Variants in FIRRM observed in about 807,000 individuals in gnomAD.
FIRRM encodes the protein FIGNL1-interacting regulator of recombination and mitosis.
the FIRRM span, among the ~76,000 whole-genome samples, chr1:169,805,038 C>T: frequency 2.0e-5 from 3 of 152,178 alleles, no homozygotes; most frequent in Non-Finnish European, 4.4e-5. Context: ...TTGATTTTAT[C>T]ACTCATTAAT....
At chr1:169,851,647 TAG>T in the FIRRM span, 4 of 749,400 alleles carry the variant, frequency 5.3e-6, no homozygotes, top group South Asian at 7.8e-5. Context: ...AAGAACACAG[TAG>T]AGTGATTTAA....
the FIRRM span, among the ~76,000 whole-genome samples, chr1:169,842,775 C>T: frequency 6.6e-6 from 1 of 152,126 alleles, no homozygotes. Flanking sequence ...TACTTACTTT[C>T]CTAACTGGTT....
the FIRRM span, chr1:169,830,233 AAATT>A: frequency 2.8e-5 from 44 of 1,558,360 alleles, no homozygotes; most frequent in Non-Finnish European, 3.6e-5. Flanking sequence ...GTATTTAAAT[AAATT>A]AATTTTTCTG....
chr1:169,792,896 GA>G, the FIRRM span: 3 of 1,614,038 alleles, frequency 1.9e-6, no homozygotes, highest in African/African-American at 1.3e-5. Context: ...CCACTCACCA[GA>G]AAAAAATCGG....
At chr1:169,807,205 G>A in the FIRRM span, among the ~76,000 whole-genome samples, 2 of 152,070 alleles carry the variant, frequency 1.3e-5, no homozygotes, top group Non-Finnish European at 2.9e-5. Flanking sequence ...GAGTCTTTTC[G>A]TGGTTTTTCC....
the FIRRM span, chr1:169,793,771 C>T: frequency 2.9e-6 from 4 of 1,369,910 alleles, no homozygotes; most frequent in Non-Finnish European, 4.0e-6. Flanking sequence ...ACACACAAAT[C>T]TGCCTCAATT....
the FIRRM span, chr1:169,851,963 A>C: frequency 3.1e-6 from 5 of 1,613,790 alleles, no homozygotes; most frequent in Non-Finnish European, 4.2e-6. Flanking sequence ...ATAGGGGCCA[A>C]ACTTTAACAA....
At chr1:169,827,961 T>A in the FIRRM span, 1 of 1,045,798 alleles carries the variant, frequency 9.6e-7, no homozygotes, top group Non-Finnish European at 1.4e-6. Context: ...TGTTAATAGT[T>A]ATTGTGTAGA....
chr1:169,796,334 C>G, the FIRRM span, among the ~76,000 whole-genome samples: 43 of 152,208 alleles, frequency 2.8e-4, 1 homozygote, highest in African/African-American at 8.4e-4. Flanking sequence ...AGACACGGAA[C>G]GTGATTCCTC....
chr1:169,839,747 G>T, the FIRRM span, among the ~76,000 whole-genome samples: 1 of 151,980 alleles, frequency 6.6e-6, no homozygotes, highest in Non-Finnish European at 1.5e-5. Context: ...CTTTAATTAG[G>T]TCCCACTTGT....
the FIRRM span, among the ~76,000 whole-genome samples, chr1:169,808,112 T>G: frequency 6.6e-6 from 1 of 152,178 alleles, no homozygotes; most frequent in Non-Finnish European, 1.5e-5. Context: ...GAGCATTGTA[T>G]TAGATTCCTA....
the FIRRM span, among the ~76,000 whole-genome samples, chr1:169,849,338 G>A: frequency 1.2e-4 from 19 of 152,366 alleles, 1 homozygote; most frequent in South Asian, 3.9e-3. Flanking sequence ...CTACTGGAAG[G>A]ATTTGAGTAA....
At chr1:169,849,452 T>A in the FIRRM span, 1 of 1,367,570 alleles carries the variant, frequency 7.3e-7, no homozygotes. Flanking sequence ...TTTATGATTA[T>A]CTATTATGGT....
At chr1:169,794,934 A>G in the FIRRM span, 8 of 608,246 alleles carry the variant, frequency 1.3e-5, no homozygotes, top group South Asian at 1.6e-4. Flanking sequence ...GGGCTAGAGA[A>G]GCCCGACTTT....
At chr1:169,827,834 C>A in the FIRRM span, 1 of 1,613,774 alleles carries the variant, frequency 6.2e-7, no homozygotes, top group Non-Finnish European at 8.5e-7. Context: ...TCAGAAACGA[C>A]AACCAGGTAG....
At chr1:169,803,201 A>T in the FIRRM span, 6 of 1,613,976 alleles carry the variant, frequency 3.7e-6, no homozygotes, top group East Asian at 2.2e-5. Flanking sequence ...CTCTCACAGG[A>T]TGTGTTCAGC....
At chr1:169,809,842 A>G in the FIRRM span, among the ~76,000 whole-genome samples, 1 of 152,168 alleles carries the variant, frequency 6.6e-6, no homozygotes, top group East Asian at 1.9e-4. Context: ...TTATTTACCA[A>G]TCAAAGTAAA....
the FIRRM span, chr1:169,842,545 G>A: frequency 6.2e-7 from 1 of 1,612,096 alleles, no homozygotes; most frequent in African/African-American, 1.3e-5. Context: ...AACAGGTAAG[G>A]AAAGCAACTG....
chr1:169,830,468 C>G, the FIRRM span: 2 of 967,550 alleles, frequency 2.1e-6, no homozygotes, highest in Non-Finnish European at 3.1e-6. Flanking sequence ...TCCCAAAACG[C>G]TTTGATTTCA....
Sources: allele counts gnomAD v4.1 joint callset (sites outside exome capture counted in the v4.1 genomes callset), GRCh38; gene constraint gnomAD v4.1.1; transcripts MANE v1.5; gene names NCBI Gene and HGNC (gene_info 2026-07-23, HGNC 2026-07-21).